ARHGAP6: variants seen among roughly 807,000 people sequenced by gnomAD.
The protein encoded by ARHGAP6 is Rho GTPase activating protein 6.
ARHGAP6 carries 16 observed loss-of-function variants against 55.7 expected under a neutral mutation model. That is an observed-to-expected ratio of 0.29 (90% confidence interval 0.19 to 0.44). The LOEUF is 0.44. Among genes scored for constraint, ARHGAP6 ranks in the 20% least tolerant of loss-of-function variants. The pLI, the probability that ARHGAP6 is intolerant of heterozygous loss-of-function variation, is 1.00. For synonymous variants in ARHGAP6, 382 were observed against 360.9 expected, an observed-to-expected ratio of 1.06 and a Z score of -0.66; for missense variants, 698 against 808.9, an observed-to-expected ratio of 0.86 and a Z score of 1.66.
intron 1 of ARHGAP6, among the ~76,000 whole-genome samples, chrX:11,468,083 C>G (rs1365726859): frequency 3.6e-5 from 4 of 110,831 alleles, no homozygotes; most frequent in Admixed American, 9.6e-5. Flanking sequence ...ATATTAGCAA[C>G]CTTTGGAGAT....
chrX:11,643,665 A>T, intron 1 of ARHGAP6, among the ~76,000 whole-genome samples: 1 of 111,647 alleles, frequency 9.0e-6, no homozygotes, highest in East Asian at 2.8e-4. Flanking sequence ...TACATTGTGG[A>T]AGAAATTTCC....
At chrX:11,481,250 AC>A (rs1241381162) in intron 1 of ARHGAP6, among the ~76,000 whole-genome samples, 1 of 111,726 alleles carries the variant, frequency 9.0e-6, no homozygotes, top group Non-Finnish European at 1.9e-5. Flanking sequence ...TGGCTGTATT[AC>A]TCAATGATTC....
In ARHGAP6 at chrX:11,425,233, C is replaced by T. The variant is rs57841573; in HGVS notation, c.589-170526G>A. Reference sequence around the variant, plus strand: ...GTCATTCATGTCAAGGAAGACAGACCCAAAAAAAACCCAAGATCACAGGAA... The same window carrying T: ...GTCATTCATGTCAAGGAAGACAGACTCAAAAAAAACCCAAGATCACAGGAA... On this transcript the variant is annotated intron_variant, in intron 1 of 12. Coordinates refer to ENST00000337414, the MANE Select transcript of ARHGAP6 (RefSeq NM_013427.3). 6.0e-3 allele frequency among the ~76,000 whole-genome samples: 670 copies of T among 110,783 alleles called. 4 individuals are homozygous for T. Among genetic ancestry groups the T allele is most frequent in the African/African-American group, 0.021 (639 of 30,442 alleles).
chrX:11,274,614 T>C (rs1479517103), intron 1 of ARHGAP6, among the ~76,000 whole-genome samples: 2 of 111,786 alleles, frequency 1.8e-5, no homozygotes, highest in Non-Finnish European at 3.8e-5. Flanking sequence ...ACATTTTTTT[T>C]CTGTTTCTTT....
intron 1 of ARHGAP6, among the ~76,000 whole-genome samples, chrX:11,315,300 ATTAG>A: frequency 8.9e-6 from 1 of 112,297 alleles, no homozygotes; most frequent in South Asian, 3.8e-4. Context: ...ATAATCAGGC[ATTAG>A]TTAGATTCTC....
intron 1 of ARHGAP6, among the ~76,000 whole-genome samples, chrX:11,317,721 C>T (rs998075295): frequency 2.7e-5 from 3 of 111,757 alleles, no homozygotes; most frequent in East Asian, 2.8e-4. Flanking sequence ...ACACCGGCCC[C>T]ACCTTAGAGC....
chrX:11,519,479 G>GTTGC (rs2050888753), intron 1 of ARHGAP6, among the ~76,000 whole-genome samples: 1 of 109,042 alleles, frequency 9.2e-6, no homozygotes, highest in African/African-American at 3.4e-5. Flanking sequence ...TTTTGATGGG[G>GTTGC]TTGTTTTTTT....
chrX:11,472,565 A>T lies in ARHGAP6; in HGVS notation c.588+191676T>A, dbSNP rs1368811476. Among the ~76,000 whole-genome samples, 6 of 111,633 alleles carry T rather than the reference A, an allele frequency of 5.4e-5. No individual in the cohort carries two copies. In the South Asian group the frequency reaches 1.9e-3, roughly 35 times the overall value. ...AAAGGAACATAAAGAAAACAGAGTG[A>T]CTGAGGTGTGATGACACAGAATGCG... On this transcript the variant is annotated intron_variant, in intron 1 of 12. Coordinates refer to ENST00000337414, the MANE Select transcript of ARHGAP6 (RefSeq NM_013427.3).
intron 1 of ARHGAP6, among the ~76,000 whole-genome samples, chrX:11,604,648 T>G (rs1393995303): frequency 8.9e-6 from 1 of 112,249 alleles, no homozygotes; most frequent in Non-Finnish European, 1.9e-5. Flanking sequence ...TAGATTAGGT[T>G]CTCTAGAAAA....
chrX:11,282,706 C>CA, intron 1 of ARHGAP6, among the ~76,000 whole-genome samples: 1 of 112,083 alleles, frequency 8.9e-6, no homozygotes. Flanking sequence ...CCAGGGGATT[C>CA]AAAAACATAG....
chrX:11,425,797 A>AT (rs1046202201), intron 1 of ARHGAP6, among the ~76,000 whole-genome samples: 8 of 111,945 alleles, frequency 7.1e-5, no homozygotes, highest in African/African-American at 2.6e-4. Context: ...GAATGAATAG[A>AT]TTTTTTTAAA....
At chrX:11,269,394 A>G (rs1191769861) in intron 1 of ARHGAP6, among the ~76,000 whole-genome samples, 1 of 112,041 alleles carries the variant, frequency 8.9e-6, no homozygotes, top group Non-Finnish European at 1.9e-5. Flanking sequence ...TTTAATATAA[A>G]AGAAGACAAA....
At chrX:11,395,507 G>A (rs184087431) in intron 1 of ARHGAP6, among the ~76,000 whole-genome samples, 15 of 111,946 alleles carry the variant, frequency 1.3e-4, no homozygotes, top group East Asian at 2.8e-4. Flanking sequence ...TCATTGTGGC[G>A]GATTCCAGGG....
At chrX:11,320,195 C>T (rs768858962) in intron 1 of ARHGAP6, among the ~76,000 whole-genome samples, 1 of 111,745 alleles carries the variant, frequency 8.9e-6, no homozygotes, top group Non-Finnish European at 1.9e-5. Flanking sequence ...TAGCTCATGA[C>T]TGCAGCATGC....
chrX:11,402,789 T>C (rs2049565791), intron 1 of ARHGAP6, among the ~76,000 whole-genome samples: 1 of 111,979 alleles, frequency 8.9e-6, no homozygotes, highest in South Asian at 3.7e-4. Flanking sequence ...TAATTGAGCA[T>C]CAGTTGTGGC....
intron 1 of ARHGAP6, among the ~76,000 whole-genome samples, chrX:11,450,343 A>T (rs1311858650): frequency 8.9e-6 from 1 of 111,852 alleles, no homozygotes; most frequent in African/African-American, 3.3e-5. Flanking sequence ...CCCCGTCAAC[A>T]TATGGTGTTC....
chrX:11,269,626 T>G (rs141590476), intron 1 of ARHGAP6, among the ~76,000 whole-genome samples: 2,957 of 111,130 alleles, frequency 0.027, 85 homozygotes, highest in African/African-American at 0.092. Flanking sequence ...TTTAAGACTA[T>G]ATATAAAAAT....
In ARHGAP6 at chrX:11,138,373, G is replaced by A. The variant is rs193281042; in HGVS notation, c.*490C>T. The A allele has an allele frequency of 8.8e-6, 1 of 113,295 alleles. No individual in the cohort carries two copies. Among genetic ancestry groups the A allele is most frequent in the Non-Finnish European group, 1.9e-5 (1 of 54,006 alleles). 9.3% of individuals were successfully genotyped at this position (113,295 alleles called of 1,213,427 possible). ...AGCTATGGCAAAAGCACAGAAACCC[G>A]CTTGTGCACATTCTAGAACATTCTA... On this transcript the variant is annotated 3_prime_UTR_variant, in exon 13 of 13. Transcript: ENST00000337414.
intron 2 of ARHGAP6, among the ~76,000 whole-genome samples, chrX:11,216,036 G>C (rs904166143): frequency 9.0e-6 from 1 of 111,172 alleles, no homozygotes; most frequent in African/African-American, 3.3e-5. Context: ...TGTTTACTGG[G>C]ACTTAAACCG....
Sources: allele counts gnomAD v4.1 joint callset (sites outside exome capture counted in the v4.1 genomes callset), GRCh38; gene constraint gnomAD v4.1.1; transcripts MANE v1.5; gene names NCBI Gene and HGNC (gene_info 2026-07-23, HGNC 2026-07-21).